EPM2A: variants seen among roughly 807,000 people sequenced by gnomAD.
EPM2A encodes laforin.
Under a neutral mutation model 26.5 loss-of-function variants are expected in EPM2A, and 21 were observed. That is an observed-to-expected ratio of 0.79 (90% CI 0.56 to 1.14). EPM2A has a LOEUF of 1.14. Among genes scored for constraint, EPM2A ranks in the 50% most tolerant of loss-of-function variants. The pLI is 0.00. For synonymous variants in EPM2A, 217 were observed against 177.6 expected, an observed-to-expected ratio of 1.22 and a Z score of -1.76; for missense variants, 458 against 440.8, an observed-to-expected ratio of 1.04 and a Z score of -0.35.
intron 2 of EPM2A, chr6:145,671,427 A>G: frequency 1.0e-6 from 1 of 987,832 alleles, no homozygotes. Flanking sequence ...GATATGAACT[A>G]TAGTCATTGT....
chr6:145,553,970 C>T (rs991051273), intron 2 of EPM2A, among the ~76,000 whole-genome samples: 3 of 151,156 alleles, frequency 2.0e-5, no homozygotes, highest in Middle Eastern at 3.2e-3. Context: ...TCTATATTTG[C>T]TTATAAACAG....
At chr6:145,684,677 C>G (rs1780781478) in intron 2 of EPM2A, 1 of 152,118 alleles carries the variant, frequency 6.6e-6, no homozygotes. Flanking sequence ...TTTCTGACAT[C>G]AAATCAATTT....
At chr6:145,433,403 G>C (rs1778946577) in intron 4 of EPM2A, among the ~76,000 whole-genome samples, 1 of 151,992 alleles carries the variant, frequency 6.6e-6, no homozygotes, top group Non-Finnish European at 1.5e-5. Flanking sequence ...TAAAAAATTT[G>C]TCCCACATTT....
At chr6:145,635,166 A>G in intron 3 of EPM2A, 79 bp downstream of exon 3, 2 of 1,512,384 alleles carry the variant, frequency 1.3e-6, no homozygotes, top group Non-Finnish European at 1.8e-6. Context: ...TTTTTAAGAT[A>G]TTAAATTATA....
At chr6:145,647,895 T>A (rs1777603374) in intron 2 of EPM2A, among the ~76,000 whole-genome samples, 1 of 152,256 alleles carries the variant, frequency 6.6e-6, no homozygotes, top group South Asian at 2.1e-4. Flanking sequence ...AAATTATTTG[T>A]TGAATTTAGC....
At chr6:145,438,133 C>T (rs1286656582) in intron 4 of EPM2A, among the ~76,000 whole-genome samples, 1 of 152,080 alleles carries the variant, frequency 6.6e-6, no homozygotes, top group Non-Finnish European at 1.5e-5. Context: ...GGTGCTCTGG[C>T]TTGGGTTTTC....
chr6:145,433,876 T>C (rs1184976485), intron 4 of EPM2A, among the ~76,000 whole-genome samples: 1 of 152,314 alleles, frequency 6.6e-6, no homozygotes, highest in East Asian at 1.9e-4. Context: ...CAGTGTTCTT[T>C]ATTCTTTCTG....
intron 2 of EPM2A, among the ~76,000 whole-genome samples, chr6:145,663,546 C>A (rs959455782): frequency 3.9e-5 from 6 of 152,096 alleles, no homozygotes; most frequent in Non-Finnish European, 1.5e-5. Flanking sequence ...GATTGGTGTA[C>A]CTGAAAGTGA....
At chr6:145,464,612 T>C (rs572467403) in intron 4 of EPM2A, among the ~76,000 whole-genome samples, 19 of 152,274 alleles carry the variant, frequency 1.2e-4, no homozygotes, top group Middle Eastern at 6.8e-3. Context: ...CATTGTATAA[T>C]TTTTTATTTC....
chr6:145,519,335 G>C (rs565088532), intron 2 of EPM2A, among the ~76,000 whole-genome samples: 2 of 152,078 alleles, frequency 1.3e-5, no homozygotes, highest in Non-Finnish European at 2.9e-5. Context: ...TAGAGAAAAG[G>C]CATGAGAGAG....
chr6:145,499,192 C>G (rs192666973), downstream of EPM2A, among the ~76,000 whole-genome samples: 7 of 152,322 alleles, frequency 4.6e-5, no homozygotes, highest in Admixed American at 4.6e-4. Flanking sequence ...AAAAAATTAA[C>G]ATGGCATACA....
chr6:145,541,317 C>T (rs7454428), intron 2 of EPM2A, among the ~76,000 whole-genome samples: 2 of 137,606 alleles, frequency 1.5e-5, no homozygotes, highest in South Asian at 2.6e-4. Context: ...TGTGTATATA[C>T]ATATATATGT....
intron 1 of EPM2A, among the ~76,000 whole-genome samples, chr6:145,727,591 T>C (rs1776275301): frequency 1.3e-5 from 2 of 152,092 alleles, no homozygotes; most frequent in Admixed American, 6.5e-5. Flanking sequence ...TCAACTACAA[T>C]TGCAGGATAT....
chr6:145,657,649 C>T (rs1016018644), intron 2 of EPM2A, among the ~76,000 whole-genome samples: 1 of 152,138 alleles, frequency 6.6e-6, no homozygotes, highest in African/African-American at 2.4e-5. Flanking sequence ...CCTTTCAATA[C>T]AAGTGGAATT....
chr6:145,694,047 C>T (rs961407409), intron 1 of EPM2A, among the ~76,000 whole-genome samples: 12 of 151,812 alleles, frequency 7.9e-5, no homozygotes, highest in Admixed American at 2.0e-4. Context: ...TTAATAAATC[C>T]AGAAGTTTTG....
intron 1 of EPM2A, among the ~76,000 whole-genome samples, chr6:145,700,420 A>G (rs556254476): frequency 6.6e-6 from 1 of 152,064 alleles, no homozygotes; most frequent in Non-Finnish European, 1.5e-5. Flanking sequence ...TTCCCTATTC[A>G]TAGCCTGAAC....
At chr6:145,657,557 A>C (rs1179177558) in intron 2 of EPM2A, among the ~76,000 whole-genome samples, 2 of 151,982 alleles carry the variant, frequency 1.3e-5, no homozygotes, top group African/African-American at 4.8e-5. Context: ...TTCATTTATA[A>C]TCTTCTCTGT....
At chr6:145,540,191 T>C (rs532506601) in intron 2 of EPM2A, among the ~76,000 whole-genome samples, 1 of 152,272 alleles carries the variant, frequency 6.6e-6, no homozygotes, top group South Asian at 2.1e-4. Context: ...TCAATGACAA[T>C]TGTCTCCTGA....
chr6:145,676,056 C>T (rs1361235677), intron 2 of EPM2A, among the ~76,000 whole-genome samples: 3 of 152,152 alleles, frequency 2.0e-5, no homozygotes, highest in Non-Finnish European at 4.4e-5. Flanking sequence ...TGTAAAAGAA[C>T]AGAAATCACA....
Sources: allele counts gnomAD v4.1 joint callset (sites outside exome capture counted in the v4.1 genomes callset), GRCh38; gene constraint gnomAD v4.1.1; transcripts MANE v1.5; gene names NCBI Gene and HGNC (gene_info 2026-07-23, HGNC 2026-07-21).